CDHR3: variants seen among roughly 807,000 people sequenced by gnomAD.
CDHR3 encodes the protein cadherin-related family member 3.
In CDHR3, 79 loss-of-function variants were observed where a neutral mutation model predicts 86.6. The observed-to-expected ratio is 0.91, with a 90% CI of 0.76 to 1.10. The LOEUF (loss-of-function observed/expected upper bound fraction) is 1.10. CDHR3 is among the 50% of genes least tolerant of loss of function. The pLI, the probability that CDHR3 is intolerant of heterozygous loss-of-function variation, is 0.00. For synonymous variants in CDHR3, 421 were observed against 402.4 expected (o/e 1.05, Z -0.55); for missense variants, 1,081 against 1,077.6 (o/e 1.00, Z -0.04).
At chr7:105,968,094 C>T (rs185187752) in intron 1 of CDHR3, among the ~76,000 whole-genome samples, 1 of 152,302 alleles carries the variant, frequency 6.6e-6, no homozygotes, top group Admixed American at 6.5e-5. Flanking sequence ...ATTACTTTTA[C>T]ACCGACCTAA....
In CDHR3 at chr7:105,996,292, A is replaced by G; in HGVS notation, c.651A>G (p.Lys217=). The G allele has an allele frequency of 1.3e-6, 2 of 1,599,852 alleles. No individual in the cohort carries two copies. Among genetic ancestry groups the G allele is most frequent in the African/African-American group, 1.3e-5 (1 of 74,820 alleles). Residue 217 remains lysine, a synonymous_variant, in exon 6 of 19, where the codon AAA becomes AAG. Coordinates refer to ENST00000317716, the MANE Select transcript of CDHR3 (RefSeq NM_152750.5). ...AGGTGAGGGACAGTGGAGGCCTCAA[A>G]GCCTCCACAGAGCTCCAGGTGAACA... ...IVEVRDSGGL[K]ASTELQVNIV...
intron 14 of CDHR3, 134 bp from the exon 15 acceptor site, chr7:106,024,247 G>T (rs1837016106): frequency 1.4e-6 from 1 of 732,106 alleles, no homozygotes. Flanking sequence ...AGCAAGAACT[G>T]TGAGCACACA....
chr7:105,996,246 G>A lies in CDHR3; in HGVS notation c.609-4G>A, dbSNP rs759677955. ...TTCTCTCACGTGGAATGTTTCCCTG[G>A]CAGTTTCCATCTCATCGTGGAGGTG... On this transcript the variant is annotated splice_polypyrimidine_tract_variant and splice_region_variant and intron_variant, in intron 5 of 18. Transcript: ENST00000317716. The A allele has an allele frequency of 2.5e-5, 38 of 1,525,038 alleles. No homozygotes were observed. The Admixed American group carries it at 5.8e-4, about 23-fold the overall frequency. The allele number at this position is 1,525,038 out of a possible 1,614,324, so 94.5% of individuals were successfully genotyped here. A position where few individuals can be genotyped will look rare whatever the true frequency, so the allele number is the denominator to read the frequency against.
intron 7 of CDHR3, among the ~76,000 whole-genome samples, chr7:106,002,386 G>T (rs114360692): frequency 0.011 from 1,626 of 152,298 alleles, 31 homozygotes; most frequent in African/African-American, 0.037. Context: ...ATGATTGGAG[G>T]ACAAAAGGGT....
intron 16 of CDHR3, among the ~76,000 whole-genome samples, chr7:106,028,093 G>C (rs901726652): frequency 4.0e-5 from 6 of 150,932 alleles, no homozygotes; most frequent in African/African-American, 1.5e-4. Context: ...CTCTAGCCTG[G>C]ACGACAAGAG....
chr7:106,006,332 TCATGCCTTCCCAA>T (rs536220643), intron 8 of CDHR3, among the ~76,000 whole-genome samples: 260 of 152,230 alleles, frequency 1.7e-3, no homozygotes, highest in African/African-American at 6.0e-3. Flanking sequence ...TCAAAACCAA[TCATGCCTTCCCAA>T]CAGTCATCCA....
At chr7:106,028,673 G>A (rs1285911964) in intron 17 of CDHR3, 91 bp downstream of exon 17, 2 of 1,399,582 alleles carry the variant, frequency 1.4e-6, no homozygotes, top group Non-Finnish European at 2.0e-6. Flanking sequence ...CAGCCTTGTG[G>A]GCATGTTTAT....
In CDHR3 at chr7:106,022,231, A is replaced by G. The variant is rs759554255; in HGVS notation, c.1859A>G (p.Asn620Ser). 5.0e-6 allele frequency: 8 copies of G among 1,613,932 alleles called. No individual in the cohort carries two copies. The East Asian group carries it at 6.7e-5, about 13-fold the overall frequency. ...NVNNHFTFSP[N>S]AGSNVTRLLL... ...AACAATCATTTCACCTTCTCTCCCA[A>G]TGCTGGTTCCAATGTCACACGCCTG... is the stretch of plus-strand genomic sequence containing the variant. Residue 620 changes from asparagine to serine, a missense_variant, in exon 14 of 19, where the codon AAT becomes AGT. Asn to Ser is a conservative substitution (Grantham distance 46). Coordinates refer to ENST00000317716, the MANE Select transcript of CDHR3 (RefSeq NM_152750.5).
intron 16 of CDHR3, among the ~76,000 whole-genome samples, chr7:106,027,268 G>A (rs999388647): frequency 2.0e-5 from 3 of 151,930 alleles, no homozygotes; most frequent in East Asian, 1.9e-4. Context: ...ATGGTGGCAC[G>A]CACCTGTAGT....
Position 105,973,535 on chromosome 7 carries a change from C to T in CDHR3, c.47-1309C>T, listed in dbSNP as rs150117285. 4.2e-3 allele frequency among the ~76,000 whole-genome samples: 636 copies of T among 152,316 alleles called. 3 individuals carry two copies. Among genetic ancestry groups the T allele is most frequent in the Admixed American group, 6.4e-3 (98 of 15,308 alleles). ...GTAGCTGCATCACTCGTCTCTGCCT[C>T]CATTATATCATGGCCTTTTCCCCTC... On this transcript the variant is annotated intron_variant, in intron 1 of 18. Coordinates refer to ENST00000317716, the MANE Select transcript of CDHR3 (RefSeq NM_152750.5).
intron 1 of CDHR3, among the ~76,000 whole-genome samples, chr7:105,965,567 A>ACCCCCCCCCCCCCCC (rs56177648): frequency 2.6e-5 from 2 of 78,264 alleles, no homozygotes; most frequent in Non-Finnish European, 2.7e-5. Flanking sequence ...CTCAAGCCCC[A>ACCCCCCCCCCCCCCC]CCCCCCCCCA....
In CDHR3 at chr7:106,024,364, G is replaced by A; in HGVS notation, c.2077-17G>A. On this transcript the variant is annotated splice_polypyrimidine_tract_variant and intron_variant, in intron 14 of 18. Coordinates refer to ENST00000317716, the MANE Select transcript of CDHR3 (RefSeq NM_152750.5). ...CTACCACCCTCTACTCACCCTCCCT[G>A]CTCTCTGTTGTTCAAGCCCAGGGTC... 6.2e-7 allele frequency: 1 copy of A among 1,612,708 alleles called. No individual in the cohort carries two copies. The highest frequency in any genetic ancestry group is 1.1e-5 in the South Asian group (1 of 90,944).
intron 1 of CDHR3, among the ~76,000 whole-genome samples, chr7:105,973,632 C>A (rs534125207): frequency 6.6e-6 from 1 of 152,292 alleles, no homozygotes; most frequent in Non-Finnish European, 1.5e-5. Context: ...AATATGACTG[C>A]CTCTCAACTA....
rs553930303 is a variant in CDHR3 at position 106,034,989 on chromosome 7, G to T, written c.*2292G>T. Among the ~76,000 whole-genome samples, 23 of 151,850 alleles carry T rather than the reference G, an allele frequency of 1.5e-4. 1 individual carries two copies. Among genetic ancestry groups the T allele is most frequent in the African/African-American group, 4.4e-4 (18 of 41,350 alleles). ...AGCTACTCAGGAGGCTGAGGCAAGA[G>T]AATCGCTTGAACCCAGGAGGCAGAA... On this transcript the variant is annotated 3_prime_UTR_variant, in exon 19 of 19. Coordinates refer to ENST00000317716, the MANE Select transcript of CDHR3 (RefSeq NM_152750.5).
intron 18 of CDHR3, among the ~76,000 whole-genome samples, chr7:106,031,305 A>G (rs975954027): frequency 2.6e-5 from 4 of 152,208 alleles, no homozygotes; most frequent in Admixed American, 2.6e-4. Context: ...TCCCTAGATC[A>G]GGGCCAAGAA....
At chr7:105,969,529 G>A (rs1447991886) in intron 1 of CDHR3, among the ~76,000 whole-genome samples, 3 of 152,036 alleles carry the variant, frequency 2.0e-5, no homozygotes, top group Admixed American at 6.6e-5. Flanking sequence ...TGGTCTCAAC[G>A]AGGACCTTCT....
chr7:106,007,048 GA>G (rs1439889449), intron 8 of CDHR3, among the ~76,000 whole-genome samples: 2 of 152,240 alleles, frequency 1.3e-5, no homozygotes, highest in African/African-American at 4.8e-5. Flanking sequence ...AACACCACAT[GA>G]AAGCTGGCAA....
chr7:105,966,221 T>A (rs979342306), intron 1 of CDHR3, among the ~76,000 whole-genome samples: 4 of 152,216 alleles, frequency 2.6e-5, no homozygotes, highest in Non-Finnish European at 5.9e-5. Flanking sequence ...TTAAATCCAC[T>A]GCACATGGAA....
chr7:105,999,768 T>C (rs564117163), intron 6 of CDHR3, among the ~76,000 whole-genome samples: 3 of 152,046 alleles, frequency 2.0e-5, no homozygotes, highest in African/African-American at 7.2e-5. Flanking sequence ...CTGGGCATCT[T>C]GTGAAAAAGC....
Sources: allele counts gnomAD v4.1 joint callset (sites outside exome capture counted in the v4.1 genomes callset), GRCh38; gene constraint gnomAD v4.1.1; transcripts MANE v1.5; gene names NCBI Gene and HGNC (gene_info 2026-07-23, HGNC 2026-07-21).